Variants in CORIN observed in about 807,000 individuals in gnomAD.
CORIN encodes the protein atrial natriuretic peptide-converting enzyme.
Under a neutral mutation model 125.3 loss-of-function variants are expected in CORIN, and 117 were observed. The observed-to-expected ratio is 0.93, with a 90% CI of 0.80 to 1.09. The LOEUF (loss-of-function observed/expected upper bound fraction) is 1.09, where lower values mean the gene tolerates loss of function less well. Among genes scored for constraint, CORIN ranks in the 50% least tolerant of loss-of-function variants. The pLI, the probability that CORIN is intolerant of heterozygous loss-of-function variation, is 0.00. For synonymous variants in CORIN, 450 were observed against 466.4 expected, an observed-to-expected ratio of 0.96 and a Z score of 0.45; for missense variants, 1,253 against 1,306.7, an observed-to-expected ratio of 0.96 and a Z score of 0.63.
chr4:47,791,083 C>T (rs778294439), intron 2 of CORIN, among the ~76,000 whole-genome samples: 3 of 152,050 alleles, frequency 2.0e-5, no homozygotes, highest in Non-Finnish European at 2.9e-5. Context: ...GCTTTACATA[C>T]TTTACGTGGT....
At chr4:47,609,061 A>G (rs931404285) in intron 19 of CORIN, among the ~76,000 whole-genome samples, 2 of 152,122 alleles carry the variant, frequency 1.3e-5, no homozygotes, top group South Asian at 2.1e-4. Context: ...AAATTTATCT[A>G]TTTTACAAGA....
chr4:47,745,937 C>T (rs1238728058), intron 4 of CORIN, among the ~76,000 whole-genome samples: 4 of 152,140 alleles, frequency 2.6e-5, no homozygotes, highest in Non-Finnish European at 5.9e-5. Context: ...TTTTGGAATA[C>T]TGATCTTCAT....
At chr4:47,790,309 T>C (rs1577925988) in intron 2 of CORIN, 2 of 400,916 alleles carry the variant, frequency 5.0e-6, no homozygotes, top group South Asian at 2.1e-4. Flanking sequence ...GGGAGGAGCG[T>C]GCACTGGGGT....
chr4:47,763,629 A>G, intron 3 of CORIN, 43 bp from the exon 4 acceptor site: 3 of 1,521,956 alleles, frequency 2.0e-6, no homozygotes. Flanking sequence ...GACACATCAG[A>G]AGTATATGTT....
chr4:47,723,474 G>A (rs930589602), intron 5 of CORIN, among the ~76,000 whole-genome samples: 1 of 152,174 alleles, frequency 6.6e-6, no homozygotes, highest in African/African-American at 2.4e-5. Context: ...CACTCATGGG[G>A]AGGATCCAGA....
At chr4:47,660,581 A>G (rs1244034933) in intron 12 of CORIN, among the ~76,000 whole-genome samples, 2 of 152,230 alleles carry the variant, frequency 1.3e-5, no homozygotes, top group Admixed American at 6.5e-5. Context: ...AAAGGTGCTC[A>G]ACATCACTGA....
At chr4:47,728,104 A>G (rs1184498636) in intron 5 of CORIN, among the ~76,000 whole-genome samples, 1 of 152,186 alleles carries the variant, frequency 6.6e-6, no homozygotes, top group Non-Finnish European at 1.5e-5. Context: ...GCTCAATGGA[A>G]TTGCAGTTAT....
intron 10 of CORIN, 61 bp from the exon 11 acceptor site, chr4:47,665,324 A>C (rs1724435521): frequency 7.9e-7 from 1 of 1,268,754 alleles, no homozygotes; most frequent in African/African-American, 1.5e-5. Context: ...AACTTCTTTA[A>C]GTTTTACAAA....
chr4:47,775,872 G>A (rs1440395472), intron 3 of CORIN, among the ~76,000 whole-genome samples: 1 of 152,162 alleles, frequency 6.6e-6, no homozygotes, highest in Non-Finnish European at 1.5e-5. Flanking sequence ...CCATTTCTAT[G>A]GATTTGGGGC....
chr4:47,804,736 A>AGGGGGGGGGGGGGGGGGG (rs1213620706), intron 2 of CORIN, among the ~76,000 whole-genome samples: 2 of 17,590 alleles, frequency 1.1e-4, no homozygotes, highest in Non-Finnish European at 1.1e-4. Flanking sequence ...GGGGGTGGGG[A>AGGGGGGGGGGGGGGGGGG]GGGGGGGGGT....
intron 13 of CORIN, among the ~76,000 whole-genome samples, chr4:47,649,450 G>A (rs1050015949): frequency 6.6e-6 from 1 of 152,340 alleles, no homozygotes; most frequent in South Asian, 2.1e-4. Flanking sequence ...CAAGGGAGAT[G>A]GCTGGGGCAG....
At chr4:47,756,520 G>A (rs947891856) in intron 4 of CORIN, among the ~76,000 whole-genome samples, 2 of 152,172 alleles carry the variant, frequency 1.3e-5, no homozygotes, top group Non-Finnish European at 2.9e-5. Context: ...GGTTCTCACT[G>A]CAAACCTACA....
At chr4:47,629,681 C>T (rs1460721378) in intron 16 of CORIN, among the ~76,000 whole-genome samples, 1 of 152,146 alleles carries the variant, frequency 6.6e-6, no homozygotes, top group Non-Finnish European at 1.5e-5. Flanking sequence ...ACATTTCCCT[C>T]CTTTGCTACA....
At chr4:47,613,574 A>G (rs1721951496) in intron 19 of CORIN, among the ~76,000 whole-genome samples, 1 of 152,006 alleles carries the variant, frequency 6.6e-6, no homozygotes. Context: ...TCCAACAATG[A>G]TAGACTGGAT....
At chr4:47,718,829 G>A (rs1027261668) in intron 5 of CORIN, among the ~76,000 whole-genome samples, 1 of 152,156 alleles carries the variant, frequency 6.6e-6, no homozygotes, top group African/African-American at 2.4e-5. Flanking sequence ...AGTCCGTGTT[G>A]TAGTTAAAAG....
chr4:47,729,983 C>T (rs1251755633), intron 5 of CORIN, among the ~76,000 whole-genome samples: 3 of 152,124 alleles, frequency 2.0e-5, no homozygotes, highest in Admixed American at 2.0e-4. Flanking sequence ...CCCCATCCAC[C>T]TCGCTGAGAG....
rs540305447 is a variant in CORIN at position 47,821,752 on chromosome 4, A to T, written c.64-14705T>A. On this transcript the variant is annotated intron_variant, in intron 1 of 21. Transcript: ENST00000273857. ...GTTATCTGTACTTTGAGACAAAACC[A>T]AACATAGAAATGATAAATGTTTTAA... Among the ~76,000 whole-genome samples the T allele has an allele frequency of 2.6e-5, 4 of 152,318 alleles. No individual in the cohort carries two copies. In the East Asian group the frequency reaches 7.7e-4, roughly 29 times the overall value.
Position 47,595,530 on chromosome 4 carries a change from G to A in CORIN, c.*191C>T, listed in dbSNP as rs535247396. The stretch of plus-strand genomic sequence containing the variant: ...AAGTCTTTCATTGAACTTGAAATAA[G>A]AGAAAAATGAAGGTGAAAAAATAAA... On this transcript the variant is annotated 3_prime_UTR_variant, in exon 22 of 22. Coordinates refer to ENST00000273857, the MANE Select transcript of CORIN (RefSeq NM_006587.4). 603 of 395,636 alleles carry A rather than the reference G, an allele frequency of 1.5e-3. 3 individuals are homozygous for A. Among genetic ancestry groups the A allele is most frequent in the Middle Eastern group, 5.5e-3 (8 of 1,448 alleles). 24.5% of individuals were successfully genotyped at this position (395,636 alleles called of 1,614,324 possible).
At chr4:47,743,068 C>T (rs965409624) in intron 5 of CORIN, among the ~76,000 whole-genome samples, 2 of 151,978 alleles carry the variant, frequency 1.3e-5, no homozygotes, top group African/African-American at 4.8e-5. Context: ...TTACCTTTCA[C>T]CATGCACAAA....
Sources: allele counts gnomAD v4.1 joint callset (sites outside exome capture counted in the v4.1 genomes callset), GRCh38; gene constraint gnomAD v4.1.1; transcripts MANE v1.5; gene names NCBI Gene and HGNC (gene_info 2026-07-23, HGNC 2026-07-21).